DIAPH2: variants seen among roughly 807,000 people sequenced by gnomAD.
DIAPH2 encodes protein diaphanous homolog 2.
Under a neutral mutation model 92.7 loss-of-function variants are expected in DIAPH2, and 35 were observed. The observed-to-expected ratio is 0.38, with a 90% confidence interval of 0.29 to 0.50. DIAPH2 has a LOEUF of 0.50. Among genes scored for constraint, DIAPH2 ranks in the 20% least tolerant of loss-of-function variants. DIAPH2 has a pLI of 0.94. For missense variants in DIAPH2, 701 were observed against 819.5 expected (o/e 0.86, Z 1.77); for synonymous variants, 301 against 280.4 (o/e 1.07, Z -0.73).
At position 96,717,968 on chromosome X, in the gene DIAPH2, CTT is replaced by C. The variant is rs775659882; in HGVS notation, c.133-17787_133-17786del. 2.7e-3 allele frequency among the ~76,000 whole-genome samples: 282 copies of C among 104,485 alleles called. 2 individuals carry two copies. Among genetic ancestry groups the C allele is most frequent in the African/African-American group, 9.1e-3 (265 of 28,984 alleles). 90.7% of individuals were successfully genotyped at this position (104,485 alleles called of 115,157 possible). A position where few individuals can be genotyped will look rare whatever the true frequency, so the allele number is the denominator to read the frequency against. On this transcript the variant is annotated intron_variant, in intron 1 of 26. Coordinates refer to ENST00000324765, the MANE Select transcript of DIAPH2 (RefSeq NM_006729.5). ...TTGGTACAAACAATCCAATTATACTCTTTTGGTTTTTAAAAAATATACAATAA... is the reference window on the plus strand; with the variant it reads ...TTGGTACAAACAATCCAATTATACTCTTGGTTTTTAAAAAATATACAATAA...
chrX:97,519,445 A>G (rs1259395689), intron 26 of DIAPH2, among the ~76,000 whole-genome samples: 1 of 112,393 alleles, frequency 8.9e-6, no homozygotes, highest in Non-Finnish European at 1.9e-5. Context: ...AAAGACAGTT[A>G]TTACCACGTG....
At chrX:97,161,043 GTTTTTTTGTTTTTT>G in intron 22 of DIAPH2, among the ~76,000 whole-genome samples, 1 of 83,228 alleles carries the variant, frequency 1.2e-5, no homozygotes, top group South Asian at 6.8e-4. Context: ...TTTGTTTTTT[GTTTTTTTGTTTTTT>G]TTTTTTTTTT....
intron 26 of DIAPH2, among the ~76,000 whole-genome samples, chrX:97,480,670 C>T (rs1156583578): frequency 9.0e-6 from 1 of 110,949 alleles, no homozygotes; most frequent in East Asian, 2.8e-4. Flanking sequence ...CCATTCCTTA[C>T]GAGATCAGGA....
intron 26 of DIAPH2, among the ~76,000 whole-genome samples, chrX:97,507,556 A>G (rs2070845935): frequency 9.0e-6 from 1 of 111,527 alleles, no homozygotes; most frequent in African/African-American, 3.3e-5. Flanking sequence ...ATTATATTTG[A>G]TTCTGAAAGC....
chrX:97,111,235 C>G (rs1394159884), intron 20 of DIAPH2, among the ~76,000 whole-genome samples: 1 of 112,000 alleles, frequency 8.9e-6, no homozygotes, highest in Non-Finnish European at 1.9e-5. Flanking sequence ...AGGAATTTCT[C>G]CCACTTTACG....
intron 17 of DIAPH2, among the ~76,000 whole-genome samples, chrX:97,045,957 G>A (rs2066480942): frequency 9.7e-6 from 1 of 103,429 alleles, no homozygotes; most frequent in Non-Finnish European, 2.0e-5. Context: ...GGGTTCAAGC[G>A]ATTCTCGTGC....
intron 22 of DIAPH2, among the ~76,000 whole-genome samples, chrX:97,205,913 A>C (rs1290829492): frequency 8.9e-6 from 1 of 111,833 alleles, no homozygotes; most frequent in Non-Finnish European, 1.9e-5. Context: ...CCAAATGCCC[A>C]TCAATGATAG....
chrX:97,182,269 T>G (rs1271856440), intron 22 of DIAPH2, among the ~76,000 whole-genome samples: 3 of 111,719 alleles, frequency 2.7e-5, no homozygotes, highest in African/African-American at 6.5e-5. Flanking sequence ...CAGAGTAAAT[T>G]TGAGGAGCAA....
chrX:97,554,850 T>G (rs974281816), intron 26 of DIAPH2, among the ~76,000 whole-genome samples: 5 of 112,101 alleles, frequency 4.5e-5, no homozygotes, highest in Non-Finnish European at 9.4e-5. Flanking sequence ...TAGCACTTAC[T>G]ATAAGTGTGT....
At chrX:96,886,907 A>C (rs1054402831) in intron 5 of DIAPH2, among the ~76,000 whole-genome samples, 28 of 81,742 alleles carry the variant, frequency 3.4e-4, no homozygotes, top group Non-Finnish European at 5.1e-4. Context: ...GGGGGAAAAA[A>C]ACTCTTTTTT....
intron 22 of DIAPH2, among the ~76,000 whole-genome samples, chrX:97,145,495 T>C (rs1464001401): frequency 9.1e-6 from 1 of 110,278 alleles, no homozygotes; most frequent in African/African-American, 3.3e-5. Flanking sequence ...GTAAATCCTT[T>C]TATATATTTT....
intron 26 of DIAPH2, among the ~76,000 whole-genome samples, chrX:97,597,845 C>CCAT (rs2071564322): frequency 9.0e-6 from 1 of 111,376 alleles, no homozygotes; most frequent in Non-Finnish European, 1.9e-5. Flanking sequence ...CCCAAATAAT[C>CCAT]CATCACTCAG....
In DIAPH2 at chrX:97,348,262, C is replaced by T. The variant is rs2069176250; in HGVS notation, c.2991C>T (p.Asn997=). ...SIEEFFGDLN[N]FRTLFLEAVR... ...AAGAGTTCTTTGGTGATCTCAACAA[C>T]TTCCGAACTTTGTTTTTGGTAAGTA... Residue 997 remains asparagine, a synonymous_variant, in exon 24 of 27, where the codon AAC becomes AAT. Transcript: ENST00000324765. The T allele has an allele frequency of 2.5e-6, 3 of 1,202,741 alleles. No individual in the cohort carries two copies. The highest frequency in any genetic ancestry group is 1.7e-5 in the African/African-American group (1 of 57,336).
At chrX:97,463,509 G>GC in intron 26 of DIAPH2, among the ~76,000 whole-genome samples, 1 of 109,655 alleles carries the variant, frequency 9.1e-6, no homozygotes, top group South Asian at 4.0e-4. Flanking sequence ...TCCTGCCTCA[G>GC]CCCCCCAAGT....
chrX:96,715,346 G>T (rs999113058), intron 1 of DIAPH2, among the ~76,000 whole-genome samples: 1 of 111,707 alleles, frequency 9.0e-6, no homozygotes, highest in African/African-American at 3.3e-5. Flanking sequence ...AAATAGTCTT[G>T]CAGTTGACAG....
At chrX:97,233,559 C>A (rs2068024669) in intron 22 of DIAPH2, among the ~76,000 whole-genome samples, 1 of 111,595 alleles carries the variant, frequency 9.0e-6, no homozygotes, top group Non-Finnish European at 1.9e-5. Context: ...ACAAAGAGAT[C>A]AGTTATTTAG....
chrX:96,770,577 G>A, intron 4 of DIAPH2, among the ~76,000 whole-genome samples: 1 of 111,812 alleles, frequency 8.9e-6, no homozygotes, highest in Non-Finnish European at 1.9e-5. Context: ...ATAAAACATT[G>A]TGTTCTTGTA....
At chrX:97,108,074 T>C (rs768662621) in intron 20 of DIAPH2, among the ~76,000 whole-genome samples, 1 of 110,844 alleles carries the variant, frequency 9.0e-6, no homozygotes, top group Non-Finnish European at 1.9e-5. Context: ...GGTACTGAAG[T>C]GTGTAAAATT....
At chrX:97,206,736 A>T (rs2067799846) in intron 22 of DIAPH2, among the ~76,000 whole-genome samples, 3 of 111,733 alleles carry the variant, frequency 2.7e-5, no homozygotes, top group Admixed American at 9.5e-5. Context: ...AATTTTTTTT[A>T]AATTGATGAA....
Sources: gnomAD v4.1 joint callset for allele counts (sites outside exome capture counted in the v4.1 genomes callset) on GRCh38, gnomAD v4.1.1 for gene constraint, MANE v1.5 for transcripts, NCBI Gene and HGNC (gene_info 2026-07-23, HGNC 2026-07-21) for gene names.